The following BMPR1A variants were observed in gnomAD, a reference collection of about 807,000 sequenced individuals.
BMPR1A encodes the protein bone morphogenetic protein receptor type 1A.
BMPR1A carries 7 observed loss-of-function variants against 66.0 expected under a neutral mutation model. The observed-to-expected ratio is 0.11, with a 90% CI of 0.06 to 0.20. BMPR1A has a LOEUF of 0.20. Among genes scored for constraint, BMPR1A ranks in the 10% least tolerant of loss-of-function variants. The pLI is 1.00. For synonymous variants in BMPR1A, 200 were observed against 229.7 expected (o/e 0.87, Z 1.17); for missense variants, 408 against 669.1 (o/e 0.61, Z 4.31).
rs1294551521 is a variant in BMPR1A at position 86,923,986 on chromosome 10, A to T, written c.*267A>T. 10 of 482,060 alleles carry T rather than the reference A, an allele frequency of 2.1e-5. No homozygotes were observed. The highest frequency in any genetic ancestry group is 3.8e-5 in the Non-Finnish European group (10 of 262,820). The allele number at this position is 482,060 out of a possible 1,614,324, so 29.9% of individuals were successfully genotyped here. ...TTTTAAGTGGGTTTTTATGAACTGC[A>T]TCAAGACTTCAATCCTGATTAGTGT... On this transcript the variant is annotated 3_prime_UTR_variant, in exon 13 of 13. Transcript: ENST00000372037.
chr10:86,884,026 C>T (rs527449480), intron 3 of BMPR1A, among the ~76,000 whole-genome samples: 1 of 151,872 alleles, frequency 6.6e-6, no homozygotes, highest in Admixed American at 6.6e-5. Flanking sequence ...AGGTAGACAC[C>T]ACCACACTCG....
chr10:86,891,199 T>C (rs1205685157), intron 4 of BMPR1A, among the ~76,000 whole-genome samples: 1 of 152,160 alleles, frequency 6.6e-6, no homozygotes, highest in African/African-American at 2.4e-5. Context: ...CTGTGACTAG[T>C]TGTTCATTTT....
chr10:86,811,922 A>T (rs1841976917), intron 1 of BMPR1A, among the ~76,000 whole-genome samples: 1 of 152,124 alleles, frequency 6.6e-6, no homozygotes, highest in Non-Finnish European at 1.5e-5. Flanking sequence ...TGTACAAAAA[A>T]TTAGAAAAAT....
chr10:86,902,638 C>T (rs1197595734), intron 7 of BMPR1A, among the ~76,000 whole-genome samples: 1 of 152,216 alleles, frequency 6.6e-6, no homozygotes, highest in African/African-American at 2.4e-5. Flanking sequence ...TACCCATATA[C>T]TAACAGCTTG....
At chr10:86,842,398 G>C (rs773529673) in intron 2 of BMPR1A, among the ~76,000 whole-genome samples, 1 of 152,150 alleles carries the variant, frequency 6.6e-6, no homozygotes, top group African/African-American at 2.4e-5. Context: ...AGCCCAGAGC[G>C]GGGTGGAGGC....
chr10:86,774,309 T>C (rs1229507186), intron 1 of BMPR1A, among the ~76,000 whole-genome samples: 3 of 152,180 alleles, frequency 2.0e-5, no homozygotes, highest in African/African-American at 7.2e-5. Flanking sequence ...TCAGTGATAC[T>C]AAAAGAGTGT....
At chr10:86,792,063 CTTTTTTTT>C (rs35251758) in intron 1 of BMPR1A, among the ~76,000 whole-genome samples, 2 of 83,602 alleles carry the variant, frequency 2.4e-5, no homozygotes, top group South Asian at 5.2e-4. Context: ...ACTGTCAGAT[CTTTTTTTT>C]TTTTTTTTTT....
chr10:86,778,315 A>G (rs1253628356), intron 1 of BMPR1A, among the ~76,000 whole-genome samples: 2 of 151,980 alleles, frequency 1.3e-5, no homozygotes, highest in Admixed American at 6.6e-5. Flanking sequence ...TAAAAAATAC[A>G]TAATTTTTAA....
intron 1 of BMPR1A, among the ~76,000 whole-genome samples, chr10:86,830,545 A>G (rs76084403): frequency 0.033 from 5,003 of 152,282 alleles, 262 homozygotes; most frequent in African/African-American, 0.11. Flanking sequence ...GTAGGTGTGC[A>G]GCATAGTTTG....
chr10:86,889,680 G>C (rs887254895), intron 3 of BMPR1A: 2 of 231,684 alleles, frequency 8.6e-6, no homozygotes, highest in African/African-American at 4.7e-5. Flanking sequence ...CCAAATGTGG[G>C]AAACTCAACT....
chr10:86,928,374 C>A (rs1306170222), downstream of BMPR1A: 1 of 152,026 alleles, frequency 6.6e-6, no homozygotes, highest in East Asian at 1.9e-4. Context: ...AGGTGTTTGC[C>A]ACCATGCCTG....
chr10:86,791,707 C>A (rs184473143), intron 1 of BMPR1A, among the ~76,000 whole-genome samples: 2 of 57,832 alleles, frequency 3.5e-5, no homozygotes, highest in African/African-American at 1.3e-4. Context: ...CTCCCTCCCT[C>A]CCTCCCTTCC....
In BMPR1A at chr10:86,926,824, G is replaced by A. The variant is rs1589295009; in HGVS notation, c.*3105G>A. On this transcript the variant is annotated 3_prime_UTR_variant, in exon 13 of 13. Transcript: ENST00000372037. ...AACCCAAACTACCTGACTATAAACA[G>A]GAAAAGTTAACCCTCAAAGAGAGTT... The A allele has an allele frequency of 2.1e-5, 4 of 191,268 alleles. No homozygotes were observed. In the East Asian group the frequency reaches 3.4e-4, roughly 16 times the overall value. The allele number at this position is 191,268 out of a possible 1,614,324, so 11.8% of individuals were successfully genotyped here.
intron 2 of BMPR1A, among the ~76,000 whole-genome samples, chr10:86,870,810 C>T (rs1053492217): frequency 6.6e-5 from 10 of 151,954 alleles, no homozygotes; most frequent in East Asian, 3.9e-4. Flanking sequence ...CATCTGCACA[C>T]GGATTCTGCC....
At chr10:86,814,744 G>T (rs1334899211) in intron 1 of BMPR1A, among the ~76,000 whole-genome samples, 1 of 151,840 alleles carries the variant, frequency 6.6e-6, no homozygotes, top group African/African-American at 2.4e-5. Context: ...TAAGGAGGAT[G>T]TTGTTTTGTT....
At chr10:86,872,759 G>GT (rs1842868368) in intron 2 of BMPR1A, among the ~76,000 whole-genome samples, 1 of 152,020 alleles carries the variant, frequency 6.6e-6, no homozygotes, top group African/African-American at 2.4e-5. Flanking sequence ...TTGTTTGTTT[G>GT]TTAAGATGGG....
intron 2 of BMPR1A, chr10:86,854,582 C>A: frequency 1.3e-5 from 2 of 155,452 alleles, no homozygotes; most frequent in South Asian, 3.6e-4. Context: ...TTTAGCCAGT[C>A]CCTCCGTTTG....
intron 7 of BMPR1A, among the ~76,000 whole-genome samples, chr10:86,910,078 A>C (rs1417569871): frequency 6.6e-6 from 1 of 152,206 alleles, no homozygotes; most frequent in Admixed American, 6.5e-5. Context: ...CACATCTGTA[A>C]TCCCAGCACT....
chr10:86,883,422 C>T (rs1177056503), intron 3 of BMPR1A, among the ~76,000 whole-genome samples: 2 of 151,418 alleles, frequency 1.3e-5, no homozygotes, highest in Non-Finnish European at 2.9e-5. Context: ...TGGTGGCGGG[C>T]GCCTGTAGTC....
Sources: allele counts gnomAD v4.1 joint callset (sites outside exome capture counted in the v4.1 genomes callset), GRCh38; gene constraint gnomAD v4.1.1; transcripts MANE v1.5; gene names NCBI Gene and HGNC (gene_info 2026-07-23, HGNC 2026-07-21).